The following ITGA9 variants were observed in gnomAD, a reference collection of about 807,000 sequenced individuals.
The protein encoded by ITGA9 is integrin subunit alpha 9.
ITGA9 carries 56 observed loss-of-function variants against 127.8 expected under a neutral mutation model. The observed-to-expected ratio is 0.44, with a 90% CI of 0.35 to 0.55. The LOEUF (loss-of-function observed/expected upper bound fraction) is 0.55. Ranked by LOEUF, ITGA9 falls within the 20% of genes least tolerant of loss-of-function variation. The pLI is 0.00. For missense variants in ITGA9, 1,196 were observed against 1,347.1 expected (o/e 0.89, Z 1.76); for synonymous variants, 508 against 514.5 (o/e 0.99, Z 0.17).
At chr3:37,588,774 C>T (rs1350587475) in intron 15 of ITGA9, among the ~76,000 whole-genome samples, 1 of 151,774 alleles carries the variant, frequency 6.6e-6, no homozygotes, top group Non-Finnish European at 1.5e-5. Context: ...TATGACCCAC[C>T]TCTGTCATTT....
intron 7 of ITGA9, among the ~76,000 whole-genome samples, chr3:37,507,479 C>T (rs377754068): frequency 1.6e-4 from 25 of 152,090 alleles, no homozygotes; most frequent in South Asian, 8.3e-4. Context: ...CTTCATAGTC[C>T]CTGTCAAGTC....
chr3:37,490,064 C>T (rs147578816), intron 4 of ITGA9, among the ~76,000 whole-genome samples: 73 of 151,884 alleles, frequency 4.8e-4, no homozygotes, highest in African/African-American at 1.4e-3. Context: ...TCCTGAGTGG[C>T]GGGGTGAGTA....
chr3:37,518,093 C>CGTGTGTGTGTGTGTGTATGT (rs1553643686), intron 10 of ITGA9, among the ~76,000 whole-genome samples: 4 of 144,106 alleles, frequency 2.8e-5, no homozygotes, highest in Non-Finnish European at 6.1e-5. Context: ...AGAGTGTACG[C>CGTGTGTGTGTGTGTGTATGT]GTGTGTGTGT....
chr3:37,793,563 T>A (rs975624576), intron 26 of ITGA9, among the ~76,000 whole-genome samples: 9 of 151,856 alleles, frequency 5.9e-5, no homozygotes, highest in African/African-American at 2.2e-4. Flanking sequence ...ATTTCCCACG[T>A]GGACAAGGAA....
chr3:37,647,636 C>A (rs570508084), intron 16 of ITGA9, among the ~76,000 whole-genome samples: 5 of 152,078 alleles, frequency 3.3e-5, no homozygotes, highest in Admixed American at 3.3e-4. Context: ...CTCCCTACCC[C>A]CTCCCCGACC....
At chr3:37,540,781 C>T (rs1160570045) in intron 14 of ITGA9, among the ~76,000 whole-genome samples, 1 of 152,218 alleles carries the variant, frequency 6.6e-6, no homozygotes, top group Non-Finnish European at 1.5e-5. Context: ...GACACTTGCA[C>T]AGGTGCCAGT....
chr3:37,577,431 A>G (rs1699664539), intron 15 of ITGA9, among the ~76,000 whole-genome samples: 1 of 152,182 alleles, frequency 6.6e-6, no homozygotes, highest in African/African-American at 2.4e-5. Flanking sequence ...CATCAAATGG[A>G]TCTCCAAGCC....
At chr3:37,510,293 C>T (rs1002713230) in intron 8 of ITGA9, among the ~76,000 whole-genome samples, 16 of 152,114 alleles carry the variant, frequency 1.1e-4, no homozygotes, top group Non-Finnish European at 2.1e-4. Flanking sequence ...CATGAGCCAC[C>T]GCACCTGGCC....
At chr3:37,650,511 A>C (rs1022225741) in intron 16 of ITGA9, among the ~76,000 whole-genome samples, 2 of 151,794 alleles carry the variant, frequency 1.3e-5, no homozygotes, top group Admixed American at 6.6e-5. Context: ...GGCTCACTGC[A>C]CCCTCTCTCT....
At chr3:37,658,478 G>A (rs1700499500) in intron 17 of ITGA9, among the ~76,000 whole-genome samples, 1 of 152,106 alleles carries the variant, frequency 6.6e-6, no homozygotes, top group East Asian at 1.9e-4. Context: ...TTGATTTAAA[G>A]TCTGTTTTAT....
rs141890488 is a variant in ITGA9 at position 37,619,588 on chromosome 3, T to C, written c.1690-9599T>C. ...TCTGCCAGCTAGGGAATGGGGCAGG[T>C]ATTAGTTTTCTAGGCCACTTCAAAA... On this transcript the variant is annotated intron_variant, in intron 15 of 27. Coordinates refer to ENST00000264741, the MANE Select transcript of ITGA9 (RefSeq NM_002207.3). 2.1e-3 allele frequency among the ~76,000 whole-genome samples: 314 copies of C among 152,280 alleles called. 1 individual carries two copies. Among genetic ancestry groups the C allele is most frequent in the African/African-American group, 7.1e-3 (296 of 41,554 alleles).
At chr3:37,636,775 T>G (rs1472269330) in intron 16 of ITGA9, among the ~76,000 whole-genome samples, 1 of 151,984 alleles carries the variant, frequency 6.6e-6, no homozygotes, top group African/African-American at 2.4e-5. Context: ...GGTCTAACAT[T>G]TAAGTCTTTA....
chr3:37,502,849 G>A (rs197743), intron 5 of ITGA9, among the ~76,000 whole-genome samples: 2 of 152,182 alleles, frequency 1.3e-5, no homozygotes, highest in Non-Finnish European at 2.9e-5. Context: ...TGAGGTCAAT[G>A]TCAGCTGTTT....
intron 8 of ITGA9, among the ~76,000 whole-genome samples, chr3:37,513,094 T>A (rs1251637430): frequency 6.6e-6 from 1 of 152,206 alleles, no homozygotes; most frequent in Non-Finnish European, 1.5e-5. Context: ...CCATGTAACA[T>A]TTATTTTCAT....
intron 15 of ITGA9, among the ~76,000 whole-genome samples, chr3:37,625,288 C>T (rs1002814125): frequency 2.0e-5 from 3 of 152,352 alleles, no homozygotes; most frequent in African/African-American, 7.2e-5. Flanking sequence ...TCTGTTTCCC[C>T]TGAGACTCAT....
At chr3:37,723,560 T>C (rs996086807) in intron 18 of ITGA9, among the ~76,000 whole-genome samples, 1 of 152,242 alleles carries the variant, frequency 6.6e-6, no homozygotes, top group African/African-American at 2.4e-5. Context: ...CAGGGTTTTG[T>C]TATGTTGGCC....
intron 17 of ITGA9, among the ~76,000 whole-genome samples, chr3:37,669,188 G>A (rs1436946948): frequency 1.3e-5 from 2 of 152,222 alleles, no homozygotes; most frequent in Non-Finnish European, 2.9e-5. Flanking sequence ...CCCTTGCTGT[G>A]CAGGTGCACT....
At chr3:37,478,709 A>T (rs986046330) in intron 3 of ITGA9, among the ~76,000 whole-genome samples, 1 of 152,344 alleles carries the variant, frequency 6.6e-6, no homozygotes, top group Non-Finnish European at 1.5e-5. Context: ...ATGTGTGTAT[A>T]TATAATGATA....
At chr3:37,762,417 T>C (rs1333979527) in intron 23 of ITGA9, among the ~76,000 whole-genome samples, 3 of 152,150 alleles carry the variant, frequency 2.0e-5, no homozygotes, top group Non-Finnish European at 2.9e-5. Flanking sequence ...CAGGTTTTAA[T>C]GGCAAGACAT....
Sources: gnomAD v4.1 joint callset for allele counts (sites outside exome capture counted in the v4.1 genomes callset) on GRCh38, gnomAD v4.1.1 for gene constraint, MANE v1.5 for transcripts, NCBI Gene and HGNC (gene_info 2026-07-23, HGNC 2026-07-21) for gene names.